Variants in CNOT4 observed in about 807,000 individuals in gnomAD.
CNOT4 encodes CCR4-associated factor 4.
Under a neutral mutation model 73.8 loss-of-function variants are expected in CNOT4, and 8 were observed. The observed-to-expected ratio is 0.11, with a 90% CI of 0.06 to 0.20. CNOT4 has a LOEUF of 0.20. CNOT4 is among the 10% of genes least tolerant of loss of function. CNOT4 has a pLI of 1.00. For missense variants in CNOT4, 564 were observed against 883.4 expected, an observed-to-expected ratio of 0.64 and a Z score of 4.58; for synonymous variants, 293 against 321.1, an observed-to-expected ratio of 0.91 and a Z score of 0.94.
chr7:135,471,701 G>A (rs867256548), intron 1 of CNOT4, among the ~76,000 whole-genome samples: 26 of 152,210 alleles, frequency 1.7e-4, no homozygotes, highest in African/African-American at 5.3e-4. Flanking sequence ...ACACTCTTCC[G>A]TTCTCTGAAC....
intron 1 of CNOT4, among the ~76,000 whole-genome samples, chr7:135,446,121 T>A (rs1446270001): frequency 6.6e-6 from 1 of 152,096 alleles, no homozygotes; most frequent in East Asian, 1.9e-4. Context: ...GCTCAAGTGA[T>A]CCTCCCACCT....
At chr7:135,493,341 C>A (rs1803241802) in intron 1 of CNOT4, among the ~76,000 whole-genome samples, 1 of 152,146 alleles carries the variant, frequency 6.6e-6, no homozygotes, top group African/African-American at 2.4e-5. Context: ...AATGTAGTTT[C>A]AAGTCTCAGT....
chr7:135,473,763 G>A (rs940395961), intron 1 of CNOT4, among the ~76,000 whole-genome samples: 4 of 152,086 alleles, frequency 2.6e-5, no homozygotes, highest in Admixed American at 1.3e-4. Context: ...GAAAGAAAGC[G>A]AGGGAGAGTG....
At chr7:135,401,989 T>A (rs1478500673) in intron 7 of CNOT4, among the ~76,000 whole-genome samples, 1 of 152,228 alleles carries the variant, frequency 6.6e-6, no homozygotes, top group African/African-American at 2.4e-5. Context: ...GGCAATGCTG[T>A]ATGTATAAAT....
Position 135,475,754 on chromosome 7 carries a change from C to CA in CNOT4, c.-93+34134dup, listed in dbSNP as rs562849431. On this transcript the variant is annotated intron_variant, in intron 1 of 11. Coordinates refer to ENST00000541284, the MANE Select transcript of CNOT4 (RefSeq NM_001190850.2). ...GCAAGACCCTGCCATTACACACACA[C>CA]AAAAAAATCAGCCACGCATGGTGGT... is the stretch of plus-strand genomic sequence containing the variant. Among the ~76,000 whole-genome samples, 8 of 151,994 alleles carry CA rather than the reference C, an allele frequency of 5.3e-5. No homozygotes were observed. The South Asian group carries it at 8.3e-4, about 16-fold the overall frequency.
chr7:135,426,570 TC>T (rs1228055424), intron 2 of CNOT4, among the ~76,000 whole-genome samples: 1 of 140,464 alleles, frequency 7.1e-6, no homozygotes, highest in Non-Finnish European at 1.5e-5. Flanking sequence ...GCCACTGCAC[TC>T]CAGCCTGGGT....
intron 1 of CNOT4, among the ~76,000 whole-genome samples, chr7:135,446,712 TACACACACAGACACAC>T (rs949643907): frequency 8.6e-5 from 13 of 151,440 alleles, no homozygotes; most frequent in African/African-American, 2.7e-4. Context: ...AGATATGAAA[TACACACACAGACACAC>T]ACACACACAG....
At chr7:135,481,931 G>A (rs1802405038) in intron 1 of CNOT4, among the ~76,000 whole-genome samples, 1 of 152,182 alleles carries the variant, frequency 6.6e-6, no homozygotes, top group Non-Finnish European at 1.5e-5. Flanking sequence ...AGGCTGCAGA[G>A]GGTGGGTGGG....
chr7:135,479,143 G>A (rs1802191196), intron 1 of CNOT4, among the ~76,000 whole-genome samples: 1 of 142,296 alleles, frequency 7.0e-6, no homozygotes, highest in Admixed American at 7.1e-5. Context: ...TTGCCAAATT[G>A]TCATTTTAAA....
intron 1 of CNOT4, among the ~76,000 whole-genome samples, chr7:135,457,417 T>A (rs558775149): frequency 6.6e-6 from 1 of 152,198 alleles, no homozygotes; most frequent in Middle Eastern, 3.4e-3. Context: ...CATGCTTTTG[T>A]GGAAAGAAGC....
intron 10 of CNOT4, among the ~76,000 whole-genome samples, chr7:135,391,326 T>C (rs1796390051): frequency 6.6e-6 from 1 of 152,096 alleles, no homozygotes; most frequent in African/African-American, 2.4e-5. Flanking sequence ...TAAAAATTTT[T>C]AAATTTTGGT....
At chr7:135,396,110 T>TCC (rs1274091460) in intron 8 of CNOT4, among the ~76,000 whole-genome samples, 2 of 16,446 alleles carry the variant, frequency 1.2e-4, no homozygotes, top group East Asian at 6.7e-3. Flanking sequence ...AGTCTCCCTT[T>TCC]TTTTTTTTTT....
At chr7:135,451,744 C>A (rs1800180402) in intron 1 of CNOT4, among the ~76,000 whole-genome samples, 1 of 152,128 alleles carries the variant, frequency 6.6e-6, no homozygotes, top group Non-Finnish European at 1.5e-5. Flanking sequence ...GAAAGCTGAA[C>A]CTTATCTATG....
intron 1 of CNOT4, among the ~76,000 whole-genome samples, chr7:135,456,321 T>C (rs111525927): frequency 0.028 from 4,283 of 151,866 alleles, 132 homozygotes; most frequent in African/African-American, 0.071. Flanking sequence ...TGCAGTGGGA[T>C]GCAGTTTACC....
intron 2 of CNOT4, among the ~76,000 whole-genome samples, chr7:135,428,094 G>C (rs1302156783): frequency 6.6e-6 from 1 of 152,156 alleles, no homozygotes; most frequent in Non-Finnish European, 1.5e-5. Context: ...GAAAAAGTAG[G>C]TAGGGGAAAA....
intron 1 of CNOT4, among the ~76,000 whole-genome samples, chr7:135,472,910 A>G (rs1801730189): frequency 6.6e-6 from 1 of 151,912 alleles, no homozygotes; most frequent in Non-Finnish European, 1.5e-5. Context: ...GCATGGTGGC[A>G]TATGCCTACA....
At chr7:135,437,258 C>T (rs1309318228) in intron 2 of CNOT4, among the ~76,000 whole-genome samples, 5 of 152,080 alleles carry the variant, frequency 3.3e-5, no homozygotes, top group Non-Finnish European at 5.9e-5. Flanking sequence ...GGCACGATCT[C>T]GGCTCACTGC....
chr7:135,437,238 G>A (rs1184427337), intron 2 of CNOT4, among the ~76,000 whole-genome samples: 1 of 151,798 alleles, frequency 6.6e-6, no homozygotes, highest in Non-Finnish European at 1.5e-5. Context: ...TGCCCAGGCT[G>A]GAGTGCTGTG....
chr7:135,507,125 T>A (rs2129488425), intron 1 of CNOT4, among the ~76,000 whole-genome samples: 1 of 152,318 alleles, frequency 6.6e-6, no homozygotes. Flanking sequence ...ACAAATGAGT[T>A]GCAAGTTATC....
Sources: allele counts gnomAD v4.1 joint callset (sites outside exome capture counted in the v4.1 genomes callset), GRCh38; gene constraint gnomAD v4.1.1; transcripts MANE v1.5; gene names NCBI Gene and HGNC (gene_info 2026-07-23, HGNC 2026-07-21).